DLG2: variants seen among roughly 807,000 people sequenced by gnomAD.
DLG2 encodes disks large homolog 2.
DLG2 carries 45 observed loss-of-function variants against 132.5 expected under a neutral mutation model. The ratio of observed to expected loss-of-function variants is 0.34; its 90% CI spans 0.27 to 0.44. DLG2 has a LOEUF of 0.44. Ranked by LOEUF, DLG2 falls within the 20% of genes least tolerant of loss-of-function variation. The pLI is 1.00. For missense variants in DLG2, 1,045 were observed against 1,196.9 expected (o/e 0.87, Z 1.87); for synonymous variants, 424 against 419.6 (o/e 1.01, Z -0.13).
chr11:84,412,789 G>A (rs2098913952), intron 7 of DLG2, among the ~76,000 whole-genome samples: 1 of 152,114 alleles, frequency 6.6e-6, no homozygotes, highest in Non-Finnish European at 1.5e-5. Flanking sequence ...CCAGAATAGA[G>A]TTTTGCCTTG....
At chr11:85,469,332 T>A (rs1408118268) in intron 3 of DLG2, 1 of 152,212 alleles carries the variant, frequency 6.6e-6, no homozygotes. Context: ...CAATCAGATA[T>A]CAGACTTTCT....
At chr11:85,276,590 G>C (rs2077904654) in intron 4 of DLG2, among the ~76,000 whole-genome samples, 1 of 152,094 alleles carries the variant, frequency 6.6e-6, no homozygotes, top group Admixed American at 6.5e-5. Context: ...TTGAAGGATA[G>C]GGTGAGCTGT....
intron 4 of DLG2, among the ~76,000 whole-genome samples, chr11:85,173,705 T>C (rs2453152): frequency 0.24 from 35,937 of 151,970 alleles, 5,509 homozygotes; most frequent in East Asian, 0.41. Context: ...CAAGACCCAT[T>C]GGCGTGCTGT....
Position 83,471,581 on chromosome 11 carries a change from C to T in DLG2, c.2446+45G>A, listed in dbSNP as rs77925826. ...CATTTTACCATCTCATAAAGAAATC[C>T]AAGCTCTTTTTGTTTTTCCTAGAGG... On this transcript the variant is annotated intron_variant, in intron 24 of 27. Transcript: ENST00000376104. The T allele has an allele frequency of 4.7e-3, 6,619 of 1,404,628 alleles. 157 individuals are homozygous for T. In the African/African-American group the frequency reaches 0.063, roughly 13 times the overall value. The allele number at this position is 1,404,628 out of a possible 1,614,324, so 87.0% of individuals were successfully genotyped here.
chr11:83,644,748 G>C (rs1484262049), intron 18 of DLG2, among the ~76,000 whole-genome samples: 2 of 151,944 alleles, frequency 1.3e-5, no homozygotes, highest in African/African-American at 4.8e-5. Context: ...GCTTATTTCA[G>C]TAATTTTTTT....
At chr11:83,893,095 T>C (rs2070453663) in intron 15 of DLG2, among the ~76,000 whole-genome samples, 1 of 152,138 alleles carries the variant, frequency 6.6e-6, no homozygotes, top group Non-Finnish European at 1.5e-5. Flanking sequence ...CATTAACAAG[T>C]TGTTTTACTT....
chr11:83,929,794 G>A (rs1252577321), intron 15 of DLG2, among the ~76,000 whole-genome samples: 2 of 152,096 alleles, frequency 1.3e-5, no homozygotes, highest in Non-Finnish European at 2.9e-5. Context: ...GTTCCGTGTG[G>A]TGAGATGGAA....
In DLG2 at chr11:84,771,024, A is replaced by C. The variant is rs542739466; in HGVS notation, c.358-236293T>G. Among the ~76,000 whole-genome samples the C allele has an allele frequency of 2.0e-5, 3 of 152,178 alleles. No individual in the cohort carries two copies. The South Asian group carries it at 6.2e-4, about 32-fold the overall frequency. On this transcript the variant is annotated intron_variant, in intron 6 of 27. Coordinates refer to ENST00000376104, the MANE Select transcript of DLG2 (RefSeq NM_001142699.3). ...CGCCATTTTCTTTATCCAGACAACT[A>C]TTTATGGGCACCTGGGTTGATTCTG...
chr11:83,469,408 A>C, intron 24 of DLG2, 35 bp from the exon 25 acceptor site: 1 of 1,554,156 alleles, frequency 6.4e-7, no homozygotes. Context: ...ATTAAGGTGC[A>C]TTTATACCCA....
At chr11:84,055,787 T>C (rs1016641447) in intron 11 of DLG2, among the ~76,000 whole-genome samples, 4 of 152,108 alleles carry the variant, frequency 2.6e-5, no homozygotes, top group Admixed American at 6.6e-5. Context: ...TCCCAATTTA[T>C]ATTATAGGTG....
At chr11:84,461,415 C>T (rs879267032) in intron 7 of DLG2, among the ~76,000 whole-genome samples, 1 of 150,694 alleles carries the variant, frequency 6.6e-6, no homozygotes, top group East Asian at 1.9e-4. Flanking sequence ...ATATGCATGT[C>T]TTATGATTAG....
chr11:84,860,625 G>A (rs1310688432), intron 6 of DLG2, among the ~76,000 whole-genome samples: 3 of 152,002 alleles, frequency 2.0e-5, no homozygotes, highest in African/African-American at 4.8e-5. Context: ...TCACATAATA[G>A]TGTCTGTAAA....
intron 3 of DLG2, among the ~76,000 whole-genome samples, chr11:85,396,198 G>C (rs2087348343): frequency 6.6e-6 from 1 of 152,062 alleles, no homozygotes; most frequent in Non-Finnish European, 1.5e-5. Flanking sequence ...TTTGTTAGAA[G>C]GAAAACTAAC....
intron 3 of DLG2, among the ~76,000 whole-genome samples, chr11:85,374,880 T>C (rs1565396732): frequency 6.6e-6 from 1 of 152,164 alleles, no homozygotes; most frequent in Non-Finnish European, 1.5e-5. Context: ...TGTCAGAGAC[T>C]ATCTTTGTTC....
chr11:84,422,496 A>G (rs973812903), intron 7 of DLG2, among the ~76,000 whole-genome samples: 1 of 152,202 alleles, frequency 6.6e-6, no homozygotes, highest in Non-Finnish European at 1.5e-5. Context: ...TCCTTAATGC[A>G]TATTTAATTC....
intron 4 of DLG2, among the ~76,000 whole-genome samples, chr11:85,184,089 T>C (rs1221242502): frequency 1.3e-5 from 2 of 151,942 alleles, no homozygotes; most frequent in Non-Finnish European, 2.9e-5. Flanking sequence ...CCTAGTCCCT[T>C]GCCTTTTGTC....
At chr11:84,636,567 T>C (rs2099640784) in intron 6 of DLG2, among the ~76,000 whole-genome samples, 1 of 152,196 alleles carries the variant, frequency 6.6e-6, no homozygotes, top group South Asian at 2.1e-4. Flanking sequence ...CACATAAAAA[T>C]GACGGTTTTT....
chr11:83,999,976 T>A (rs1183693491), intron 11 of DLG2, among the ~76,000 whole-genome samples: 3 of 150,518 alleles, frequency 2.0e-5, no homozygotes, highest in African/African-American at 4.9e-5. Context: ...AAACTCAATA[T>A]GATAATGTCA....
intron 19 of DLG2, among the ~76,000 whole-genome samples, chr11:83,587,457 G>T (rs1348631375): frequency 1.3e-5 from 2 of 152,184 alleles, no homozygotes; most frequent in East Asian, 3.9e-4. Flanking sequence ...TTTTAACAGA[G>T]ATAAGATATT....
Sources: gnomAD v4.1 joint callset for allele counts (sites outside exome capture counted in the v4.1 genomes callset) on GRCh38, gnomAD v4.1.1 for gene constraint, MANE v1.5 for transcripts, NCBI Gene and HGNC (gene_info 2026-07-23, HGNC 2026-07-21) for gene names.